The following MYT1L variants were observed in gnomAD, a reference collection of about 807,000 sequenced individuals.
MYT1L encodes myelin transcription factor 1-like protein.
A neutral mutation model predicts 126.7 loss-of-function variants in MYT1L; 12 were observed. The observed-to-expected ratio is 0.09, with a 90% CI of 0.06 to 0.15. The LOEUF (loss-of-function observed/expected upper bound fraction) is 0.15, where lower values mean the gene tolerates loss of function less well. Ranked by LOEUF, MYT1L falls within the 10% of genes least tolerant of loss-of-function variation. The probability of loss-of-function intolerance (pLI) is 1.00; values close to 1 mark genes in which losing one functional copy is unlikely to be tolerated. For missense variants in MYT1L, 979 were observed against 1,585.2 expected, an observed-to-expected ratio of 0.62 and a Z score of 6.49; for synonymous variants, 541 against 604.2, an observed-to-expected ratio of 0.90 and a Z score of 1.53.
intron 4 of MYT1L, among the ~76,000 whole-genome samples, chr2:2,031,783 C>A (rs1206424147): frequency 2.8e-5 from 4 of 140,480 alleles, no homozygotes; most frequent in African/African-American, 5.4e-5. Flanking sequence ...CACCCCTCGC[C>A]AGTGCCTCTC....
intron 3 of MYT1L, among the ~76,000 whole-genome samples, chr2:2,102,407 G>GA (rs1487446022): frequency 2.6e-5 from 4 of 152,162 alleles, no homozygotes; most frequent in African/African-American, 9.7e-5. Context: ...CATATGTAGG[G>GA]ATCTACTAGG....
At chr2:2,134,576 T>C (rs1361936751) in intron 3 of MYT1L, among the ~76,000 whole-genome samples, 2 of 152,070 alleles carry the variant, frequency 1.3e-5, no homozygotes, top group East Asian at 3.9e-4. Flanking sequence ...TTAGATGGAA[T>C]TAGTGCCCTG....
chr2:1,979,730 C>T lies in MYT1L; in HGVS notation c.48G>A (p.Gly16=), dbSNP rs377141211. The change falls in exon 6 of 25, where the codon GGG becomes GGA. Residue 16 remains glycine (G), a synonymous_variant. Transcript: ENST00000647738. The surrounding 1 kb of genome is among the most constrained non-coding windows in gnomAD (Gnocchi z 4.0). ...EEKRHRTRSK[G]VRVPVEPAIQ... is the part of the protein sequence containing the mutation. ...AGGGAAGCGCGGACATACCTCGAACCCCTTTGGACCGCGTGCGATGCCGCT... is the reference window on the plus strand; with the variant it reads ...AGGGAAGCGCGGACATACCTCGAACTCCTTTGGACCGCGTGCGATGCCGCT... 244 of 1,614,004 alleles carry T rather than the reference C, an allele frequency of 1.5e-4. 2 individuals are homozygous for T. The highest frequency in any genetic ancestry group is 1.9e-4 in the Non-Finnish European group (227 of 1,179,908).
chr2:1,821,902 A>G (rs950008517), intron 21 of MYT1L, among the ~76,000 whole-genome samples: 5 of 152,212 alleles, frequency 3.3e-5, no homozygotes, highest in Non-Finnish European at 7.3e-5. Flanking sequence ...CACTAGCTCC[A>G]GAGCTTCTGT....
chr2:2,046,748 T>C (rs1431607212), intron 4 of MYT1L, among the ~76,000 whole-genome samples: 1 of 152,206 alleles, frequency 6.6e-6, no homozygotes, highest in African/African-American at 2.4e-5. Context: ...TGTAAATATT[T>C]GTACACTAAA....
chr2:2,015,418 A>G (rs1574527548), intron 4 of MYT1L, among the ~76,000 whole-genome samples: 1 of 152,188 alleles, frequency 6.6e-6, no homozygotes, highest in Non-Finnish European at 1.5e-5. Context: ...ATGGGAGGCC[A>G]GGCAGCTCCT....
intron 1 of MYT1L, among the ~76,000 whole-genome samples, chr2:2,290,218 G>A (rs570878896): frequency 6.6e-4 from 100 of 152,176 alleles, no homozygotes; most frequent in Non-Finnish European, 1.2e-3. Context: ...AGAGTCCCAT[G>A]GTCACCCCCA....
chr2:1,870,401 C>T (rs535183244), intron 18 of MYT1L, among the ~76,000 whole-genome samples: 6 of 152,214 alleles, frequency 3.9e-5, no homozygotes, highest in East Asian at 1.9e-4. Flanking sequence ...ATGACTCTGC[C>T]CCAGAGAGCA....
chr2:2,150,127 A>G (rs547516015), intron 3 of MYT1L, among the ~76,000 whole-genome samples: 1 of 152,312 alleles, frequency 6.6e-6, no homozygotes, highest in Non-Finnish European at 1.5e-5. Context: ...AGAAGCCCAG[A>G]TGCTTTGAAT....
chr2:2,109,911 A>C (rs866060203), intron 3 of MYT1L, among the ~76,000 whole-genome samples: 1,778 of 120,312 alleles, frequency 0.015, 69 homozygotes, highest in African/African-American at 0.051. Flanking sequence ...ATATATATAT[A>C]TATATATATA....
intron 3 of MYT1L, among the ~76,000 whole-genome samples, chr2:2,065,930 C>A (rs184351020): frequency 7.9e-5 from 12 of 151,582 alleles, no homozygotes; most frequent in African/African-American, 2.9e-4. Context: ...CATAAAATAA[C>A]AGCAAGAAAA....
At chr2:2,234,717 G>A (rs551154116) in intron 2 of MYT1L, among the ~76,000 whole-genome samples, 1 of 152,296 alleles carries the variant, frequency 6.6e-6, no homozygotes, top group East Asian at 1.9e-4. Flanking sequence ...GAATTACTGA[G>A]TAATTCTCTG....
At chr2:1,968,099 A>C (rs1163593372) in intron 8 of MYT1L, among the ~76,000 whole-genome samples, 1 of 152,192 alleles carries the variant, frequency 6.6e-6, no homozygotes, top group African/African-American at 2.4e-5. Context: ...CAGGGTGCTC[A>C]GGGAAGCCCA....
intron 2 of MYT1L, among the ~76,000 whole-genome samples, chr2:2,180,386 G>T (rs2091284979): frequency 6.6e-6 from 1 of 151,462 alleles, no homozygotes; most frequent in Non-Finnish European, 1.5e-5. Context: ...ACAACAACCT[G>T]TATCAGGAAA....
At chr2:1,831,092 A>C (rs1325908425) in intron 21 of MYT1L, among the ~76,000 whole-genome samples, 1 of 152,068 alleles carries the variant, frequency 6.6e-6, no homozygotes, top group Non-Finnish European at 1.5e-5. Flanking sequence ...CCCTCTCCTG[A>C]AGGTGTCCCA....
intron 18 of MYT1L, among the ~76,000 whole-genome samples, chr2:1,858,987 G>T (rs1019093207): frequency 6.6e-6 from 1 of 152,128 alleles, no homozygotes; most frequent in African/African-American, 2.4e-5. Context: ...CTGCTACTTG[G>T]AAGTACCAGA....
In MYT1L at chr2:1,957,754, C is replaced by T. The variant is rs532971906; in HGVS notation, c.153-14420G>A. 2.1e-4 allele frequency among the ~76,000 whole-genome samples: 32 copies of T among 152,250 alleles called. No individual in the cohort carries two copies. The South Asian group carries it at 3.5e-3, about 17-fold the overall frequency. On this transcript the variant is annotated intron_variant, in intron 8 of 24. Transcript: ENST00000647738. ...CACCAGCTTCTGAGATGAAGGTCGC[C>T]GAGCATTTATTTCTCTCTGCTGATT... is the stretch of plus-strand genomic sequence containing the variant.
intron 2 of MYT1L, among the ~76,000 whole-genome samples, chr2:2,195,672 C>A (rs1363818027): frequency 6.6e-6 from 1 of 152,028 alleles, no homozygotes; most frequent in African/African-American, 2.4e-5. Flanking sequence ...ACACATTTAA[C>A]AAGAAGTTAA....
intron 4 of MYT1L, among the ~76,000 whole-genome samples, chr2:2,050,738 G>A (rs187723121): frequency 6.6e-6 from 1 of 152,308 alleles, no homozygotes; most frequent in Non-Finnish European, 1.5e-5. Context: ...GGGAAGAGCT[G>A]AGAGCGGCAG....
Sources: gnomAD v4.1 joint callset for allele counts (sites outside exome capture counted in the v4.1 genomes callset) on GRCh38, gnomAD v4.1.1 for gene constraint, Gnocchi (gnomAD v3.1) non-coding constraint, MANE v1.5 for transcripts, NCBI Gene and HGNC (gene_info 2026-07-23, HGNC 2026-07-21) for gene names.